The following CASK variants were observed in gnomAD, a reference collection of about 807,000 sequenced individuals.
The protein encoded by CASK is calcium/calmodulin dependent serine protein kinase.
In CASK, 4 loss-of-function variants were observed where a neutral mutation model predicts 82.9. The observed-to-expected ratio is 0.05, with a 90% CI of 0.02 to 0.11. CASK has a LOEUF of 0.11. Among genes scored for constraint, CASK ranks in the 10% least tolerant of loss-of-function variants. CASK has a pLI of 1.00. For missense variants in CASK, 358 were observed against 720.9 expected, an observed-to-expected ratio of 0.50 and a Z score of 5.76; for synonymous variants, 259 against 253.5, an observed-to-expected ratio of 1.02 and a Z score of -0.20.
chrX:41,814,895 C>A lies in CASK; in HGVS notation c.173-27612G>T, dbSNP rs1018340348. On this transcript the variant is annotated intron_variant, in intron 2 of 26. Transcript: ENST00000378163. Reference sequence around the variant, plus strand: ...TATTATCAGGCACTGAGACAATAGGCAGTAAAAGATTGTGATTCCTATGGA... The same window carrying A: ...TATTATCAGGCACTGAGACAATAGGAAGTAAAAGATTGTGATTCCTATGGA... 8.1e-5 allele frequency among the ~76,000 whole-genome samples: 9 copies of A among 111,128 alleles called. No individual in the cohort carries two copies. The Admixed American group carries it at 8.6e-4, about 11-fold the overall frequency.
At chrX:41,675,459 T>C (rs1256073289) in intron 5 of CASK, among the ~76,000 whole-genome samples, 1 of 112,068 alleles carries the variant, frequency 8.9e-6, no homozygotes, top group East Asian at 2.8e-4. Context: ...AGTTTTACCC[T>C]GGCCCTTGTG....
chrX:41,554,277 C>T (rs755835049), intron 20 of CASK, among the ~76,000 whole-genome samples: 6 of 111,731 alleles, frequency 5.4e-5, no homozygotes, highest in Non-Finnish European at 1.1e-4. Context: ...ATTATGGATA[C>T]GTTGTCATGA....
intron 21 of CASK, among the ~76,000 whole-genome samples, chrX:41,550,100 G>T (rs1030218115): frequency 2.0e-4 from 22 of 111,367 alleles, no homozygotes; most frequent in African/African-American, 7.2e-4. Flanking sequence ...GGCAGAGGTT[G>T]CAGTGAGCTG....
chrX:41,719,386 C>A (rs1207661409), intron 5 of CASK, among the ~76,000 whole-genome samples: 1 of 111,828 alleles, frequency 8.9e-6, no homozygotes. Flanking sequence ...GGAGTTGGTT[C>A]ACTGGATGCA....
chrX:41,595,108 A>G (rs1387537660), intron 12 of CASK, among the ~76,000 whole-genome samples: 1 of 112,386 alleles, frequency 8.9e-6, no homozygotes, highest in Non-Finnish European at 1.9e-5. Flanking sequence ...TTTAAAAAAA[A>G]TTCAGAGTAA....
intron 5 of CASK, among the ~76,000 whole-genome samples, chrX:41,690,194 C>G (rs144709521): frequency 9.0e-6 from 1 of 111,037 alleles, no homozygotes; most frequent in Non-Finnish European, 1.9e-5. Context: ...CTTGTCTTCA[C>G]AAGCAATTCT....
intron 5 of CASK, chrX:41,676,240 T>G: frequency 8.4e-7 from 1 of 1,194,009 alleles, no homozygotes; most frequent in Non-Finnish European, 1.1e-6. Flanking sequence ...CCGTATCAAC[T>G]TTCTCTCTGT....
Position 41,569,648 on chromosome X carries a change from G to T in CASK, c.1582+20C>A. On this transcript the variant is annotated intron_variant, in intron 16 of 26. Transcript: ENST00000378163. ...AAAAAAATTAAGGAAGGCAAAGAAA[G>T]AAATATATATGAAACTTACCTTGCC... The T allele has an allele frequency of 1.4e-5, 15 of 1,081,661 alleles. No individual in the cohort carries two copies. Among genetic ancestry groups the T allele is most frequent in the Non-Finnish European group, 1.9e-5 (15 of 780,733 alleles). The allele number at this position is 1,081,661 out of a possible 1,213,427, so 89.1% of individuals were successfully genotyped here.
At chrX:41,608,130 G>T (rs1026894387) in intron 12 of CASK, among the ~76,000 whole-genome samples, 3 of 112,072 alleles carry the variant, frequency 2.7e-5, no homozygotes, top group African/African-American at 6.5e-5. Context: ...AACACTCTTA[G>T]CTGAGCTTTT....
At chrX:41,648,691 G>T (rs935062895) in intron 8 of CASK, among the ~76,000 whole-genome samples, 2 of 111,739 alleles carry the variant, frequency 1.8e-5, no homozygotes, top group African/African-American at 6.5e-5. Flanking sequence ...CAAGTCCCCC[G>T]ATAGATATTG....
At position 41,622,988 on chromosome X, in the gene CASK, C is replaced by A. The variant is rs1231179216; in HGVS notation, c.1016-354G>T. 2.8e-5 allele frequency among the ~76,000 whole-genome samples: 3 copies of A among 108,781 alleles called. No individual in the cohort carries two copies. The East Asian group carries it at 8.6e-4, about 31-fold the overall frequency. 94.5% of individuals were successfully genotyped at this position (108,781 alleles called of 115,157 possible). On this transcript the variant is annotated intron_variant, in intron 10 of 26. Coordinates refer to ENST00000378163, the MANE Select transcript of CASK (RefSeq NM_001367721.1). ...CTCTGCCTCCTGGGCTCAAGTGATC[C>A]TCCTACCTCAGCCCTGGCTCCCTAC...
At chrX:41,622,667 A>C (rs771588062) in intron 10 of CASK, 33 bp from the exon 11 acceptor site, 15 of 1,158,285 alleles carry the variant, frequency 1.3e-5, no homozygotes, top group Non-Finnish European at 1.7e-5. Flanking sequence ...ACAAACAACA[A>C]ACAGTATGAT....
chrX:41,782,314 C>G (rs896064106), intron 3 of CASK, among the ~76,000 whole-genome samples: 1 of 111,452 alleles, frequency 9.0e-6, no homozygotes, highest in Non-Finnish European at 1.9e-5. Flanking sequence ...AAAAAGAAAA[C>G]AAAACAAAAG....
At chrX:41,839,712 T>C (rs2070997737) in intron 2 of CASK, among the ~76,000 whole-genome samples, 1 of 111,603 alleles carries the variant, frequency 9.0e-6, no homozygotes, top group African/African-American at 3.3e-5. Flanking sequence ...AACTTTGCCT[T>C]ATTCCTGGTC....
rs187049427 is a variant in CASK at position 41,752,625 on chromosome X, C to T, written c.279-7024G>A. On this transcript the variant is annotated intron_variant, in intron 3 of 26. Coordinates refer to ENST00000378163, the MANE Select transcript of CASK (RefSeq NM_001367721.1). ...CCTAACAATGATAATGAAAAGAGTA[C>T]TATCAAAACTTGTACAGGATTGGTA... Among the ~76,000 whole-genome samples the T allele has an allele frequency of 1.6e-3, 176 of 111,571 alleles. 1 individual carries two copies. Among genetic ancestry groups the T allele is most frequent in the African/African-American group, 5.5e-3 (168 of 30,697 alleles).
chrX:41,719,627 C>T (rs2068126614), intron 5 of CASK, among the ~76,000 whole-genome samples: 1 of 111,992 alleles, frequency 8.9e-6, no homozygotes, highest in African/African-American at 3.2e-5. Context: ...CACAAGAGTA[C>T]ACTGAACAAA....
chrX:41,673,837 T>TG (rs2067229060), intron 5 of CASK, among the ~76,000 whole-genome samples: 1 of 86,765 alleles, frequency 1.2e-5, no homozygotes. Flanking sequence ...GTGTTTTTTT[T>TG]TTTTTTTTTT....
intron 1 of CASK, among the ~76,000 whole-genome samples, chrX:41,857,591 T>C (rs2071395927): frequency 8.9e-6 from 1 of 111,976 alleles, no homozygotes; most frequent in Non-Finnish European, 1.9e-5. Context: ...AAAGAGCCCT[T>C]GAAAAACACA....
chrX:41,661,831 C>A (rs1179483433), intron 7 of CASK, among the ~76,000 whole-genome samples: 1 of 110,574 alleles, frequency 9.0e-6, no homozygotes. Context: ...TGAAATCCCA[C>A]ACTTTTCATC....
Sources: gnomAD v4.1 joint callset for allele counts (sites outside exome capture counted in the v4.1 genomes callset) on GRCh38, gnomAD v4.1.1 for gene constraint, MANE v1.5 for transcripts, NCBI Gene and HGNC (gene_info 2026-07-23, HGNC 2026-07-21) for gene names.